Variants in ZNF525 observed in about 807,000 individuals in gnomAD.
ZNF525 encodes zinc finger protein 525.
ZNF525 carries 33 observed loss-of-function variants against 37.6 expected under a neutral mutation model. The observed-to-expected ratio is 0.88, with a 90% CI of 0.67 to 1.17. The LOEUF (loss-of-function observed/expected upper bound fraction) is 1.17, where lower values mean the gene tolerates loss of function less well. Among genes scored for constraint, ZNF525 ranks in the 50% most tolerant of loss-of-function variants. The probability of loss-of-function intolerance (pLI) is 0.00; values close to 1 mark genes in which losing one functional copy is unlikely to be tolerated. For synonymous variants in ZNF525, 170 were observed against 182.3 expected (o/e 0.93, Z 0.54); for missense variants, 449 against 543.1 (o/e 0.83, Z 1.72).
chr19:53,383,525 CT>C lies in ZNF525; in HGVS notation c.*1507del, dbSNP rs1488445242. The C allele has an allele frequency of 2.1e-5, 27 of 1,291,456 alleles. No homozygotes were observed. The highest frequency in any genetic ancestry group is 2.8e-5 in the Non-Finnish European group (26 of 925,900). The allele number at this position is 1,291,456 out of a possible 1,614,324, so 80.0% of individuals were successfully genotyped here. On this transcript the variant is annotated 3_prime_UTR_variant, in exon 4 of 4. Coordinates refer to ENST00000474037, the MANE Select transcript of ZNF525 (RefSeq NM_001348156.2). ...CAAGGCTTTCGGACGTGATTCACAC[CT>C]GGCACAACATCCCAGAGTTCACACT...
Position 53,381,796 on chromosome 19 carries a change from C to T in ZNF525, c.1217C>T (p.Thr406Ile). 1.9e-6 allele frequency: 2 copies of T among 1,066,224 alleles called. No individual in the cohort carries two copies. The highest frequency in any genetic ancestry group is 2.9e-6 in the Non-Finnish European group (2 of 679,414). 66.0% of individuals were successfully genotyped at this position (1,066,224 alleles called of 1,614,324 possible). ...STLTCHRRLH[T>I]GEKPYKCEEC... ...CTTACATGCCATCGTAGACTTCATA[C>T]TGGAGAGAAACCTTACAAGTGTGAA... The change falls in exon 4 of 4, where the codon ACT becomes ATT. Residue 406 changes from threonine to isoleucine, a missense_variant. Physicochemically the swap from Thr to Ile is moderately conservative, Grantham distance 89. Around this residue, in one of 2 missense-constraint regions of ZNF525, gnomAD observed 178 missense variants for 161.5 expected, o/e 1.10. Transcript: ENST00000474037.
chr19:53,379,138 C>T (rs1049543183), intron 3 of ZNF525, among the ~76,000 whole-genome samples: 5 of 151,434 alleles, frequency 3.3e-5, no homozygotes, highest in African/African-American at 4.9e-5. Flanking sequence ...TTCTTAGAGA[C>T]GAAGTCTCAC....
rs989458409 is a variant in ZNF525, at chr19:53,383,983, C to T, written c.*1964C>T. 4 of 791,106 alleles carry T rather than the reference C, an allele frequency of 5.1e-6. No homozygotes were observed. In the Admixed American group the frequency reaches 5.7e-5, roughly 11 times the overall value. The allele number at this position is 791,106 out of a possible 1,614,324, so 49.0% of individuals were successfully genotyped here. On this transcript the variant is annotated 3_prime_UTR_variant, in exon 4 of 4. Transcript: ENST00000474037. ...GAATCCATACTGGACAGAAATCTTA[C>T]AAATGTCATCAGTGTGGCAAGGTCT...
intron 3 of ZNF525, among the ~76,000 whole-genome samples, chr19:53,378,981 A>G (rs774159830): frequency 1.2e-4 from 18 of 152,184 alleles, no homozygotes; most frequent in Non-Finnish European, 2.2e-4. Flanking sequence ...TACACATTCT[A>G]TGTTTTATAT....
At chr19:53,376,123 CT>C (rs1199666282) in intron 3 of ZNF525, 9 of 1,053,174 alleles carry the variant, frequency 8.5e-6, no homozygotes, top group Non-Finnish European at 1.3e-5. Flanking sequence ...TTTTTAGTTT[CT>C]TTTTTTAGAG....
At chr19:53,377,367 G>C (rs1462186010) in intron 3 of ZNF525, among the ~76,000 whole-genome samples, 1 of 151,502 alleles carries the variant, frequency 6.6e-6, no homozygotes, top group Non-Finnish European at 1.5e-5. Context: ...ATAGACATGG[G>C]ATTTCTCCTT....
At chr19:53,371,198 C>CTTT (rs1243106422) in intron 1 of ZNF525, among the ~76,000 whole-genome samples, 15 of 123,564 alleles carry the variant, frequency 1.2e-4, no homozygotes, top group Non-Finnish European at 2.2e-4. Context: ...ATCAGAAACG[C>CTTT]TTTTTTTTTT....
At position 53,381,828 on chromosome 19, in the gene ZNF525, GAT is replaced by G; in HGVS notation, c.1250_1251del (p.Asp417GlyfsTer10). 1 of 1,060,206 alleles carries G rather than the reference GAT, an allele frequency of 9.4e-7. No individual in the cohort carries two copies. The highest frequency in any genetic ancestry group is 1.5e-6 in the Non-Finnish European group (1 of 673,714). The allele number at this position is 1,060,206 out of a possible 1,614,324, so 65.7% of individuals were successfully genotyped here. A position where few individuals can be genotyped will look rare whatever the true frequency, so the allele number is the denominator to read the frequency against. On this transcript the variant is annotated frameshift_variant, in exon 4 of 4. Coordinates refer to ENST00000474037, the MANE Select transcript of ZNF525 (RefSeq NM_001348156.2). LOFTEE classifies it high-confidence loss of function. ...GEKPYKCEECDEAFRFKSSLE... is the reference protein window; with the variant it reads ...GEKPYKCEECXEAFRFKSSLE... Reference sequence around the variant, plus strand: ...GAAACCTTACAAGTGTGAAGAATGTGATGAAGCTTTCCGTTTCAAATCAAGTC... The same window carrying G: ...GAAACCTTACAAGTGTGAAGAATGTGGAAGCTTTCCGTTTCAAATCAAGTC...
Position 53,380,927 on chromosome 19 carries a change from C to A in ZNF525, c.348C>A (p.Ile116=), listed in dbSNP as rs570381955. The part of the protein sequence containing the change: ...RNGHEAPMTK[I]KKLMGSTEQY... ...GCCATGAAGCACCCATGACAAAAAT[C>A]AAAAAATTGATGGGTAGTACAGAGC... Residue 116 remains isoleucine, a synonymous_variant, in exon 4 of 4, where the codon ATC becomes ATA. Coordinates refer to ENST00000474037, the MANE Select transcript of ZNF525 (RefSeq NM_001348156.2). 6.1e-5 allele frequency: 93 copies of A among 1,533,086 alleles called. No individual in the cohort carries two copies. Among genetic ancestry groups the A allele is most frequent in the South Asian group, 1.3e-4 (12 of 89,122 alleles). 95.0% of individuals were successfully genotyped at this position (1,533,086 alleles called of 1,614,324 possible). A position where few individuals can be genotyped will look rare whatever the true frequency, so the allele number is the denominator to read the frequency against.
At position 53,366,771 on chromosome 19, in the gene ZNF525, G is replaced by A. The variant is rs1052309493; in HGVS notation, c.-68+1012G>A. Among the ~76,000 whole-genome samples, 4 of 145,884 alleles carry A rather than the reference G, an allele frequency of 2.7e-5. 1 individual carries two copies. The highest frequency in any genetic ancestry group is 1.1e-4 in the African/African-American group (4 of 37,998). The stretch of plus-strand genomic sequence containing the variant: ...GAACCACAGCAGGGAGGACACCTGG[G>A]GATCTGGGGTGCCAGAGAGTGGGGA... On this transcript the variant is annotated intron_variant, in intron 1 of 3. Coordinates refer to ENST00000474037, the MANE Select transcript of ZNF525 (RefSeq NM_001348156.2).
At chr19:53,375,633 T>TG in intron 2 of ZNF525, 137 bp from the exon 3 acceptor site, 1 of 1,597,896 alleles carries the variant, frequency 6.3e-7, no homozygotes, top group Non-Finnish European at 8.5e-7. Flanking sequence ...CAAAATGCAG[T>TG]GAAAAACCCC....
In ZNF525 at chr19:53,384,681, C is replaced by G. The variant is rs1465316866; in HGVS notation, c.*2662C>G. 1.9e-5 allele frequency: 6 copies of G among 316,242 alleles called. No homozygotes were observed. Among genetic ancestry groups the G allele is most frequent in the Non-Finnish European group, 3.5e-5 (6 of 172,046 alleles). The allele number at this position is 316,242 out of a possible 1,614,324, so 19.6% of individuals were successfully genotyped here. ...CTGAATATGTTTGTTAGTTCCAGTA[C>G]TATTTTGGTTGAGTCTGTGATTTTC... On this transcript the variant is annotated 3_prime_UTR_variant, in exon 4 of 4. Transcript: ENST00000474037.
chr19:53,381,691 A>G lies in ZNF525; in HGVS notation c.1112A>G (p.Glu371Gly). Residue 371 changes from glutamate (E) to glycine (G), a missense_variant, in exon 4 of 4, where the codon GAA becomes GGA. Physicochemically the swap from Glu to Gly is moderately conservative, Grantham distance 98 (BLOSUM62 -2). Transcript: ENST00000474037. ...DKAFSFKSNL[E>G]SHRITHTGEK... is the part of the protein sequence containing the mutation. Reference sequence around the variant, plus strand: ...GCTTTCAGTTTCAAATCAAACCTTGAAAGTCATAGGATAACTCATACTGGA... The same window carrying G: ...GCTTTCAGTTTCAAATCAAACCTTGGAAGTCATAGGATAACTCATACTGGA... 9.0e-7 allele frequency: 1 copy of G among 1,116,742 alleles called. No individual in the cohort carries two copies. Among genetic ancestry groups the G allele is most frequent in the East Asian group, 2.3e-5 (1 of 42,704 alleles). 69.2% of individuals were successfully genotyped at this position (1,116,742 alleles called of 1,614,324 possible). A position where few individuals can be genotyped will look rare whatever the true frequency, so the allele number is the denominator to read the frequency against.
chr19:53,368,876 C>T (rs183885785), intron 1 of ZNF525, among the ~76,000 whole-genome samples: 5 of 152,088 alleles, frequency 3.3e-5, no homozygotes, highest in South Asian at 4.1e-4. Context: ...CTGGTTTTAC[C>T]GGCATTTTGG....
In ZNF525 at chr19:53,381,440, A is replaced by T; in HGVS notation, c.861A>T (p.Thr287=). ...CCTTCAGTCAGATGTCATCCCTTAC[A>T]TATCATCATCGACTTCATACTGGAG... The part of the protein sequence containing the change: ...GKSFSQMSSL[T]YHHRLHTGEK... The change falls in exon 4 of 4, where the codon ACA becomes ACT. Residue 287 remains threonine, a synonymous_variant. Coordinates refer to ENST00000474037, the MANE Select transcript of ZNF525 (RefSeq NM_001348156.2). 6.6e-7 allele frequency: 1 copy of T among 1,518,064 alleles called. No homozygotes were observed. Among genetic ancestry groups the T allele is most frequent in the Non-Finnish European group, 9.2e-7 (1 of 1,092,746 alleles). 94.0% of individuals were successfully genotyped at this position (1,518,064 alleles called of 1,614,324 possible). A position where few individuals can be genotyped will look rare whatever the true frequency, so the allele number is the denominator to read the frequency against.
intron 1 of ZNF525, among the ~76,000 whole-genome samples, chr19:53,371,426 C>T (rs1327155534): frequency 6.6e-6 from 1 of 152,090 alleles, no homozygotes; most frequent in Non-Finnish European, 1.5e-5. Context: ...GGCTGGAGTG[C>T]AGTGACATGA....
At chr19:53,373,957 A>G (rs1366875019) in intron 2 of ZNF525, among the ~76,000 whole-genome samples, 2 of 152,300 alleles carry the variant, frequency 1.3e-5, no homozygotes, top group East Asian at 3.9e-4. Flanking sequence ...ATTAAGCCCA[A>G]CTGCAACCTC....
intron 1 of ZNF525, among the ~76,000 whole-genome samples, chr19:53,367,044 T>C (rs1190450551): frequency 2.0e-5 from 3 of 152,180 alleles, no homozygotes; most frequent in African/African-American, 7.2e-5. Context: ...ACGTAATCTA[T>C]AGCATAGCAT....
chr19:53,375,902 G>A lies in ZNF525; in HGVS notation c.142+6G>A, dbSNP rs201645602. ...TAGGAACCTGGTCTCCCTGGGTGAG[G>A]ATAACTTCCCTCCAGAAGTGGGGAT... On this transcript the variant is annotated splice_donor_region_variant and intron_variant, in intron 3 of 3. Transcript: ENST00000474037. 5 of 1,613,402 alleles carry A rather than the reference G, an allele frequency of 3.1e-6. No homozygotes were observed. Among genetic ancestry groups the A allele is most frequent in the Non-Finnish European group, 8.5e-7 (1 of 1,179,774 alleles).
Sources: gnomAD v4.1 joint callset for allele counts (sites outside exome capture counted in the v4.1 genomes callset) on GRCh38, gnomAD v4.1.1 for gene constraint, gnomAD v4.1.1 regional missense constraint, MANE v1.5 for transcripts, NCBI Gene and HGNC (gene_info 2026-07-23, HGNC 2026-07-21) for gene names.